The following KYAT3 variants were observed in gnomAD, a reference collection of about 807,000 sequenced individuals.
KYAT3 encodes kynurenine aminotransferase 3, also known as kynurenine--oxoglutarate transaminase 3.
Under a neutral mutation model 59.0 loss-of-function variants are expected in KYAT3, and 50 were observed. The ratio of observed to expected loss-of-function variants is 0.85; its 90% CI spans 0.68 to 1.07. The LOEUF is 1.07. Ranked by LOEUF, KYAT3 falls within the 50% of genes least tolerant of loss-of-function variation. The pLI, the probability that KYAT3 is intolerant of heterozygous loss-of-function variation, is 0.00. For synonymous variants in KYAT3, 148 were observed against 177.0 expected, an observed-to-expected ratio of 0.84 and a Z score of 1.30; for missense variants, 497 against 533.3, an observed-to-expected ratio of 0.93 and a Z score of 0.67.
intron 2 of KYAT3, among the ~76,000 whole-genome samples, chr1:88,986,915 G>C (rs1677491438): frequency 6.6e-6 from 1 of 152,186 alleles, no homozygotes; most frequent in African/African-American, 2.4e-5. Context: ...TAAATGCAAA[G>C]CCTCTGATGA....
intron 12 of KYAT3, 66 bp downstream of exon 12, chr1:88,943,284 A>T: frequency 1.9e-6 from 2 of 1,074,696 alleles, no homozygotes; most frequent in Non-Finnish European, 2.8e-6. Context: ...AAAGCATACC[A>T]GCAGATTTCC....
Position 88,961,150 on chromosome 1 carries a change from T to A in KYAT3, c.787+17A>T, listed in dbSNP as rs1458767128. ...CCAAACACATTTAGATATGTGACTC[T>A]GTGTTATAGTTGGTACCTATTTTTA... On this transcript the variant is annotated intron_variant, in intron 8 of 13. Transcript: ENST00000260508. 1.2e-6 allele frequency: 2 copies of A among 1,612,512 alleles called. No individual in the cohort carries two copies. Among genetic ancestry groups the A allele is most frequent in the Non-Finnish European group, 1.7e-6 (2 of 1,179,468 alleles).
rs373483318 is a variant in KYAT3, at chr1:88,982,644, T to C, written c.99+5608A>G. 5 of 1,579,228 alleles carry C rather than the reference T, an allele frequency of 3.2e-6. No individual in the cohort carries two copies. The African/African-American group carries it at 5.5e-5, about 17-fold the overall frequency. On this transcript the variant is annotated intron_variant, in intron 2 of 13. Transcript: ENST00000260508. The stretch of plus-strand genomic sequence containing the variant: ...TGAACTGGGATTTTGGTCCAAAGTT[T>C]TGTTTGTTTCTAGTATCTGCTTCTG...
At chr1:88,931,640 C>T (rs1473628982), downstream of KYAT3, among the ~76,000 whole-genome samples, 1 of 151,982 alleles carries the variant, frequency 6.6e-6, no homozygotes, top group Non-Finnish European at 1.5e-5. Flanking sequence ...GGAAGGTGAC[C>T]ACGTCCACCT....
At chr1:88,955,034 G>C (rs989576079) in intron 9 of KYAT3, 115 bp downstream of exon 9, 1 of 682,684 alleles carries the variant, frequency 1.5e-6, no homozygotes. Flanking sequence ...CCAAAGTGCT[G>C]GGATTACAGG....
rs1677590728 is a variant in KYAT3 at position 88,988,326 on chromosome 1, A to G, written c.25T>C (p.Cys9Arg). 1 of 1,613,122 alleles carries G rather than the reference A, an allele frequency of 6.2e-7. No homozygotes were observed. Among genetic ancestry groups the G allele is most frequent in the Non-Finnish European group, 8.5e-7 (1 of 1,179,492 alleles). MFLAQRSL[C>R]SLSGRAKFLK... Reference sequence around the variant, plus strand: ...AATTTTGCTCTACCGCTAAGAGAGCAGAGGCTCCTCTGGGCCAAAAACATG... The same window carrying G: ...AATTTTGCTCTACCGCTAAGAGAGCGGAGGCTCCTCTGGGCCAAAAACATG... The change falls in exon 2 of 14, where the codon TGC becomes CGC. Residue 9 changes from cysteine to arginine, a missense_variant. Transcript: ENST00000260508.
At chr1:88,972,566 G>A (rs1339461127) in intron 2 of KYAT3, among the ~76,000 whole-genome samples, 2 of 152,100 alleles carry the variant, frequency 1.3e-5, no homozygotes, top group Non-Finnish European at 2.9e-5. Context: ...AAGTCTTGGT[G>A]GCCTAAAATC....
intron 8 of KYAT3, among the ~76,000 whole-genome samples, chr1:88,959,653 T>C (rs1208570532): frequency 1.3e-5 from 2 of 152,096 alleles, no homozygotes; most frequent in Non-Finnish European, 2.9e-5. Flanking sequence ...ATCATTTACC[T>C]TTCTTAAGTG....
chr1:88,992,146 T>G (rs1163730412), intron 1 of KYAT3, among the ~76,000 whole-genome samples: 1 of 151,954 alleles, frequency 6.6e-6, no homozygotes, highest in Admixed American at 6.6e-5. Context: ...GCCCGGCTAA[T>G]TTTTTGTATT....
chr1:88,925,978 C>T, the KYAT3 span, among the ~76,000 whole-genome samples: 1 of 152,152 alleles, frequency 6.6e-6, no homozygotes, highest in East Asian at 1.9e-4. Context: ...CACCGACAAC[C>T]AGTAGCCTTC....
chr1:88,982,486 T>C (rs991711261), intron 2 of KYAT3: 4 of 1,177,834 alleles, frequency 3.4e-6, no homozygotes, highest in African/African-American at 1.6e-5. Flanking sequence ...CATGTTTTAC[T>C]TTTTTCCTCA....
chr1:88,932,328 C>G (rs1361546599), downstream of KYAT3, among the ~76,000 whole-genome samples: 1 of 152,038 alleles, frequency 6.6e-6, no homozygotes, highest in African/African-American at 2.4e-5. Flanking sequence ...ATTGATTAGA[C>G]TATTGATAGA....
In KYAT3 at chr1:88,961,386, C is replaced by T; in HGVS notation, c.661G>A (p.Gly221Ser). 1 of 1,613,764 alleles carries T rather than the reference C, an allele frequency of 6.2e-7. No homozygotes were observed. Among genetic ancestry groups the T allele is most frequent in the South Asian group, 1.1e-5 (1 of 91,048 alleles). ...AGGAGATGAGACTTGCTTACCTTGC[C>T]AAGTGGGTTATGTGGAGTATTTAGT... is the stretch of plus-strand genomic sequence containing the variant. ...IILNTPHNPL[G>S]KVYNREELQV... The change falls in exon 7 of 14, where the codon GGC (glycine) becomes AGC (serine). Residue 221 changes from glycine (G) to serine (S), a missense_variant. By Grantham distance (56) the Gly-to-Ser change is moderately conservative. This residue lies in a region of KYAT3 where 469 missense variants were observed against 479.1 expected (regional missense o/e 0.98). Coordinates refer to ENST00000260508, the MANE Select transcript of KYAT3 (RefSeq NM_001008661.3).
chr1:88,931,845 T>G (rs1012452910), downstream of KYAT3, among the ~76,000 whole-genome samples: 2 of 140,140 alleles, frequency 1.4e-5, no homozygotes, highest in Non-Finnish European at 3.0e-5. Context: ...GTCCCCTCCC[T>G]TTGTATGGGA....
chr1:88,956,138 G>A (rs1453426603), intron 8 of KYAT3, among the ~76,000 whole-genome samples: 2 of 152,136 alleles, frequency 1.3e-5, no homozygotes, highest in African/African-American at 4.8e-5. Context: ...TTGCACTTAG[G>A]AATACTAGAC....
chr1:88,953,860 C>T (rs1171409116), intron 9 of KYAT3, among the ~76,000 whole-genome samples: 1 of 151,556 alleles, frequency 6.6e-6, no homozygotes, highest in African/African-American at 2.4e-5. Context: ...CTTGATTCTC[C>T]AGGCCTAATT....
chr1:88,931,050 C>T (rs929045289), downstream of KYAT3, among the ~76,000 whole-genome samples: 7 of 152,120 alleles, frequency 4.6e-5, no homozygotes, highest in African/African-American at 1.7e-4. Context: ...AGTTTCCTCC[C>T]CTCAGGATGG....
At chr1:88,961,117 A>C (rs373203236) in intron 8 of KYAT3, 50 bp downstream of exon 8, 1 of 1,602,964 alleles carries the variant, frequency 6.2e-7, no homozygotes, top group Non-Finnish European at 8.5e-7. Flanking sequence ...CAGTTCTTCC[A>C]TATGTGCCCA....
rs1388184806 is a variant in KYAT3 at position 88,961,072 on chromosome 1, G to A, written c.787+95C>T. The A allele has an allele frequency of 4.8e-6, 6 of 1,240,596 alleles. No homozygotes were observed. In the African/African-American group the frequency reaches 8.9e-5, roughly 18 times the overall value. 76.8% of individuals were successfully genotyped at this position (1,240,596 alleles called of 1,614,324 possible). Reference sequence around the variant, plus strand: ...CATACAGACAGATACCCATTACAAAGACTGTTTTAGAGTTGGTCTGGGATG... The same window carrying A: ...CATACAGACAGATACCCATTACAAAAACTGTTTTAGAGTTGGTCTGGGATG... On this transcript the variant is annotated intron_variant, in intron 8 of 13. Coordinates refer to ENST00000260508, the MANE Select transcript of KYAT3 (RefSeq NM_001008661.3).
Sources: allele counts gnomAD v4.1 joint callset (sites outside exome capture counted in the v4.1 genomes callset), GRCh38; gene constraint gnomAD v4.1.1; regional missense constraint gnomAD v4.1.1; transcripts MANE v1.5; gene names NCBI Gene and HGNC (gene_info 2026-07-23, HGNC 2026-07-21).